CACNA2D2: variants seen among roughly 807,000 people sequenced by gnomAD.
CACNA2D2 encodes the protein voltage-dependent calcium channel subunit alpha-2/delta-2.
Under a neutral mutation model 166.4 loss-of-function variants are expected in CACNA2D2, and 48 were observed. The ratio of observed to expected loss-of-function variants is 0.29; its 90% CI spans 0.23 to 0.37. The LOEUF (loss-of-function observed/expected upper bound fraction) is 0.37, where lower values mean the gene tolerates loss of function less well. Ranked by LOEUF, CACNA2D2 falls within the 10% of genes least tolerant of loss-of-function variation. The pLI is 1.00. For synonymous variants in CACNA2D2, 561 were observed against 573.7 expected, an observed-to-expected ratio of 0.98 and a Z score of 0.32; for missense variants, 1,122 against 1,433.0, an observed-to-expected ratio of 0.78 and a Z score of 3.50.
chr3:50,452,032 C>T (rs1709125608), intron 2 of CACNA2D2, among the ~76,000 whole-genome samples: 1 of 152,142 alleles, frequency 6.6e-6, no homozygotes, highest in Admixed American at 6.5e-5. Context: ...GGCCCTCATC[C>T]CCTCACTGCC....
In CACNA2D2 at chr3:50,365,460, G is replaced by A. The variant is rs202063356; in HGVS notation, c.2994C>T (p.Ser998=). ...CGCAGCTGCTCTCGCGCGTCTCGGG[G>A]CTCCCCTCGGCCTCCGCGGGGTCTG... is the stretch of plus-strand genomic sequence containing the variant. ...FQADPAEAEG[S]PETRESSCVM... The change falls in exon 35 of 38, where the codon AGC becomes AGT. Residue 998 remains serine (S), a synonymous_variant. Transcript: ENST00000424201. The surrounding 1 kb of genome is among the most constrained non-coding windows in gnomAD (Gnocchi z 4.5). 2 of 1,613,448 alleles carry A rather than the reference G, an allele frequency of 1.2e-6. No individual in the cohort carries two copies. Among genetic ancestry groups the A allele is most frequent in the East Asian group, 2.2e-5 (1 of 44,864 alleles).
intron 4 of CACNA2D2, among the ~76,000 whole-genome samples, chr3:50,390,933 C>T (rs1047973951): frequency 1.3e-5 from 2 of 152,256 alleles, no homozygotes; most frequent in African/African-American, 4.8e-5. Flanking sequence ...CAGGCCTAGG[C>T]CAGCCACCCG....
At chr3:50,483,892 G>A (rs956007443) in intron 1 of CACNA2D2, among the ~76,000 whole-genome samples, 2 of 152,166 alleles carry the variant, frequency 1.3e-5, no homozygotes, top group East Asian at 1.9e-4. Context: ...ATCACTATCC[G>A]CAATCCTCAG....
chr3:50,421,398 G>A (rs1456930959), intron 3 of CACNA2D2, among the ~76,000 whole-genome samples: 1 of 152,118 alleles, frequency 6.6e-6, no homozygotes. Context: ...GGTGCAACTG[G>A]TGCAGTTGCC....
At chr3:50,381,942 G>C (rs1261745570) in intron 6 of CACNA2D2, among the ~76,000 whole-genome samples, 1 of 149,062 alleles carries the variant, frequency 6.7e-6, no homozygotes. Context: ...CCCAACCCTT[G>C]TAGTTGCACG....
In CACNA2D2 at chr3:50,363,005, G is replaced by A. The variant is rs1346192091; in HGVS notation, c.*1661C>T. On this transcript the variant is annotated 3_prime_UTR_variant, in exon 38 of 38. Coordinates refer to ENST00000424201, the MANE Select transcript of CACNA2D2 (RefSeq NM_006030.4). ...TGGCCCCCCAGTCCCCCAGCCCAAG[G>A]TGAGGGGCAGCCAGGTCGGGTGGGT... 1 of 397,614 alleles carries A rather than the reference G, an allele frequency of 2.5e-6. No individual in the cohort carries two copies. The highest frequency in any genetic ancestry group is 4.4e-5 in the Admixed American group (1 of 22,716). 24.6% of individuals were successfully genotyped at this position (397,614 alleles called of 1,614,324 possible). A position where few individuals can be genotyped will look rare whatever the true frequency, so the allele number is the denominator to read the frequency against.
intron 2 of CACNA2D2, among the ~76,000 whole-genome samples, chr3:50,445,582 G>C (rs1004066294): frequency 2.0e-5 from 3 of 152,050 alleles, no homozygotes; most frequent in African/African-American, 7.2e-5. Context: ...AGAACAAGTC[G>C]GAAGCATAAA....
chr3:50,364,616 G>A lies in CACNA2D2; in HGVS notation c.*50C>T, dbSNP rs587740874. On this transcript the variant is annotated 3_prime_UTR_variant, in exon 38 of 38. Transcript: ENST00000424201. ...GAGTGTGGGGCAGGAGGGTGGGAAA[G>A]GCGAAGAGGCCGGGTGAGGTGGGAG... is the stretch of plus-strand genomic sequence containing the variant. 30 of 1,460,774 alleles carry A rather than the reference G, an allele frequency of 2.1e-5. 1 individual carries two copies. The South Asian group carries it at 4.1e-4, about 20-fold the overall frequency. 90.5% of individuals were successfully genotyped at this position (1,460,774 alleles called of 1,614,324 possible).
chr3:50,395,995 C>T (rs1706129012), intron 3 of CACNA2D2, among the ~76,000 whole-genome samples: 1 of 152,166 alleles, frequency 6.6e-6, no homozygotes, highest in South Asian at 2.1e-4. Context: ...TGTCCCCTGC[C>T]ACCCTTAACT....
chr3:50,460,881 A>G (rs1709559327), intron 2 of CACNA2D2, among the ~76,000 whole-genome samples: 1 of 152,166 alleles, frequency 6.6e-6, no homozygotes, highest in Non-Finnish European at 1.5e-5. Flanking sequence ...AAAAGTTCCA[A>G]AAGACATCCT....
intron 2 of CACNA2D2, among the ~76,000 whole-genome samples, chr3:50,456,930 C>T (rs566582263): frequency 1.3e-5 from 2 of 152,286 alleles, no homozygotes; most frequent in South Asian, 4.2e-4. Context: ...TCAGAGTTCA[C>T]TAGTGGAATG....
intron 3 of CACNA2D2, among the ~76,000 whole-genome samples, chr3:50,423,631 C>A (rs1424671162): frequency 6.6e-6 from 1 of 152,256 alleles, no homozygotes; most frequent in African/African-American, 2.4e-5. Flanking sequence ...GGGCGTCTTG[C>A]CCTAGCTGAT....
chr3:50,368,276 TG>T, intron 23 of CACNA2D2, 41 bp from the exon 24 acceptor site: 1 of 1,275,388 alleles, frequency 7.8e-7, no homozygotes. Flanking sequence ...CTTGGGGGGC[TG>T]GACAGGGCAA....
chr3:50,466,766 G>A (rs964372911), intron 2 of CACNA2D2, among the ~76,000 whole-genome samples: 2 of 152,222 alleles, frequency 1.3e-5, no homozygotes, highest in African/African-American at 4.8e-5. Flanking sequence ...GTGGACTCCT[G>A]GAAAGCCTGG....
chr3:50,402,440 C>A (rs185870459), intron 3 of CACNA2D2, among the ~76,000 whole-genome samples: 1 of 152,316 alleles, frequency 6.6e-6, no homozygotes, highest in African/African-American at 2.4e-5. Flanking sequence ...CTTACCCAGT[C>A]CCCTGCTGAG....
chr3:50,444,905 A>G (rs1315390336), intron 2 of CACNA2D2, among the ~76,000 whole-genome samples: 1 of 152,188 alleles, frequency 6.6e-6, no homozygotes, highest in East Asian at 1.9e-4. Flanking sequence ...AGGCACATGC[A>G]CTTGACCTTG....
chr3:50,467,279 T>C (rs1020957247), intron 2 of CACNA2D2, among the ~76,000 whole-genome samples: 4 of 152,134 alleles, frequency 2.6e-5, no homozygotes, highest in African/African-American at 9.7e-5. Context: ...CCAGGGATCA[T>C]CTATGTGGGG....
intron 22 of CACNA2D2, among the ~76,000 whole-genome samples, chr3:50,373,309 C>A (rs955129307): frequency 3.3e-5 from 5 of 150,828 alleles, no homozygotes; most frequent in Non-Finnish European, 7.4e-5. Context: ...GATGAGCCCC[C>A]AGTCGGCCAG....
chr3:50,422,060 G>A (rs1035108870), intron 3 of CACNA2D2, among the ~76,000 whole-genome samples: 4 of 152,074 alleles, frequency 2.6e-5, no homozygotes, highest in Non-Finnish European at 4.4e-5. Context: ...CAAAGGCACT[G>A]CTTCTACCCT....
Sources: gnomAD v4.1 joint callset for allele counts (sites outside exome capture counted in the v4.1 genomes callset) on GRCh38, gnomAD v4.1.1 for gene constraint, Gnocchi (gnomAD v3.1) non-coding constraint, MANE v1.5 for transcripts, NCBI Gene and HGNC (gene_info 2026-07-23, HGNC 2026-07-21) for gene names.